Variants in ARL15 observed in about 807,000 individuals in gnomAD.
ARL15 encodes the protein ADP-ribosylation factor-like protein 15.
A neutral mutation model predicts 25.2 loss-of-function variants in ARL15; 19 were observed. The ratio of observed to expected loss-of-function variants is 0.75; its 90% CI spans 0.53 to 1.10. The LOEUF (loss-of-function observed/expected upper bound fraction) is 1.10, where lower values mean the gene tolerates loss of function less well. ARL15 is among the 50% of genes least tolerant of loss of function. The pLI, the probability that ARL15 is intolerant of heterozygous loss-of-function variation, is 0.00. For missense variants in ARL15, 220 were observed against 246.0 expected (o/e 0.89, Z 0.71); for synonymous variants, 94 against 86.8 (o/e 1.08, Z -0.46).
At chr5:53,943,457 T>C (rs1746613707) in intron 4 of ARL15, among the ~76,000 whole-genome samples, 1 of 152,086 alleles carries the variant, frequency 6.6e-6, no homozygotes, top group African/African-American at 2.4e-5. Context: ...CCAGCTAAGA[T>C]TACTAGAAAA....
At chr5:54,162,570 A>T (rs1477857985) in intron 2 of ARL15, among the ~76,000 whole-genome samples, 1 of 152,166 alleles carries the variant, frequency 6.6e-6, no homozygotes, top group Non-Finnish European at 1.5e-5. Flanking sequence ...GTTTACTTAT[A>T]TATGGACCTC....
At chr5:54,047,414 C>G (rs892160757) in intron 4 of ARL15, among the ~76,000 whole-genome samples, 4 of 152,150 alleles carry the variant, frequency 2.6e-5, no homozygotes, top group Non-Finnish European at 2.9e-5. Context: ...TCATGTCTCC[C>G]CGCAACATGG....
intron 2 of ARL15, among the ~76,000 whole-genome samples, chr5:54,170,330 C>T (rs1311195826): frequency 1.3e-5 from 2 of 152,192 alleles, no homozygotes; most frequent in African/African-American, 4.8e-5. Context: ...TCCAACTGCG[C>T]TACTCACAAT....
At chr5:54,230,346 GAA>G (rs137882615) in intron 1 of ARL15, among the ~76,000 whole-genome samples, 1,282 of 91,814 alleles carry the variant, frequency 0.014, 5 homozygotes, top group Middle Eastern at 0.028. Flanking sequence ...TTCCATCTCA[GAA>G]AAAAAAAAAA....
intron 2 of ARL15, among the ~76,000 whole-genome samples, chr5:54,166,485 G>A (rs1401879808): frequency 2.0e-5 from 3 of 152,120 alleles, no homozygotes; most frequent in South Asian, 2.1e-4. Flanking sequence ...ACAAGTGTGA[G>A]CCACTGTGCC....
chr5:54,067,185 G>A (rs1202993792), intron 4 of ARL15: 3 of 152,702 alleles, frequency 2.0e-5, no homozygotes, highest in South Asian at 2.1e-4. Context: ...TGCTTCACAC[G>A]GGTGTTATTA....
At chr5:54,209,418 G>A (rs192937027) in intron 1 of ARL15, among the ~76,000 whole-genome samples, 21 of 152,064 alleles carry the variant, frequency 1.4e-4, no homozygotes, top group African/African-American at 4.6e-4. Flanking sequence ...GGCATTTGAA[G>A]GGAGGGAAGG....
At chr5:54,226,249 G>A (rs891273399) in intron 1 of ARL15, among the ~76,000 whole-genome samples, 6 of 152,182 alleles carry the variant, frequency 3.9e-5, no homozygotes, top group Non-Finnish European at 7.3e-5. Context: ...CAAGAAAAGC[G>A]GCAGGTGGAA....
intron 4 of ARL15, among the ~76,000 whole-genome samples, chr5:53,989,934 GT>G (rs1748428511): frequency 6.6e-6 from 1 of 152,154 alleles, no homozygotes; most frequent in South Asian, 2.1e-4. Flanking sequence ...GCATGAAAAA[GT>G]TTTAAAGAAA....
intron 1 of ARL15, among the ~76,000 whole-genome samples, chr5:54,214,250 C>A (rs763288340): frequency 6.6e-6 from 1 of 152,194 alleles, no homozygotes; most frequent in African/African-American, 2.4e-5. Context: ...AACTTTGCTA[C>A]AGCCACTGGA....
At chr5:54,077,432 C>T (rs1751645756) in intron 4 of ARL15, among the ~76,000 whole-genome samples, 2 of 152,028 alleles carry the variant, frequency 1.3e-5, no homozygotes, top group Admixed American at 1.3e-4. Flanking sequence ...GGAAGCATTC[C>T]CCCAGAAAAA....
At position 54,133,335 on chromosome 5, in the gene ARL15, C is replaced by T. The variant is rs142526123; in HGVS notation, c.254-19925G>A. The stretch of plus-strand genomic sequence containing the variant: ...TAAAGAGTCGAAGTTCCACACAAGT[C>T]GGATTCAGTTAGGAATACTGACAGA... On this transcript the variant is annotated intron_variant, in intron 3 of 4. Coordinates refer to ENST00000504924, the MANE Select transcript of ARL15 (RefSeq NM_019087.3). Among the ~76,000 whole-genome samples the T allele has an allele frequency of 3.6e-3, 546 of 152,116 alleles. 1 individual carries two copies. The highest frequency in any genetic ancestry group is 0.013 in the African/African-American group (524 of 41,478).
intron 4 of ARL15, among the ~76,000 whole-genome samples, chr5:53,919,100 C>T (rs752476735): frequency 1.2e-4 from 18 of 152,122 alleles, no homozygotes; most frequent in Non-Finnish European, 2.4e-4. Flanking sequence ...ATAACACCTC[C>T]CTATCAAGGC....
chr5:54,150,975 T>C (rs1388550279), intron 3 of ARL15, among the ~76,000 whole-genome samples: 1 of 151,880 alleles, frequency 6.6e-6, no homozygotes, highest in South Asian at 2.1e-4. Context: ...TAAAGTGCTG[T>C]AGGTGTAGAG....
Position 53,998,342 on chromosome 5 carries a change from C to CA in ARL15, c.463-111630dup, listed in dbSNP as rs537075338. Among the ~76,000 whole-genome samples, 70 of 149,000 alleles carry CA rather than the reference C, an allele frequency of 4.7e-4. 1 individual carries two copies. The East Asian group carries it at 0.012, about 26-fold the overall frequency. On this transcript the variant is annotated intron_variant, in intron 4 of 4. Transcript: ENST00000504924. ...AACACCAGGACTAATGGAATGTTTA[C>CA]AGACAGACTGGCTGGCCTCAGCCCT...
chr5:54,106,137 C>T (rs1752583857), intron 4 of ARL15, among the ~76,000 whole-genome samples: 1 of 152,020 alleles, frequency 6.6e-6, no homozygotes, highest in Non-Finnish European at 1.5e-5. Flanking sequence ...AATGTAGAAA[C>T]ATAAAATCAA....
chr5:54,158,607 G>A (rs1754309418), intron 2 of ARL15, among the ~76,000 whole-genome samples: 1 of 152,210 alleles, frequency 6.6e-6, no homozygotes, highest in Non-Finnish European at 1.5e-5. Flanking sequence ...AGGCACGGTG[G>A]CTCACGCCTG....
chr5:53,903,648 G>T (rs1247940993), intron 4 of ARL15, among the ~76,000 whole-genome samples: 2 of 152,184 alleles, frequency 1.3e-5, no homozygotes, highest in African/African-American at 4.8e-5. Context: ...CTCACTCCCT[G>T]GAACCAGGAG....
At chr5:54,259,996 G>A (rs112554336) in intron 1 of ARL15, among the ~76,000 whole-genome samples, 276 of 152,238 alleles carry the variant, frequency 1.8e-3, no homozygotes, top group Middle Eastern at 3.4e-3. Context: ...GAATTCATTC[G>A]TCAACCTGAA....
Sources: allele counts gnomAD v4.1 joint callset (sites outside exome capture counted in the v4.1 genomes callset), GRCh38; gene constraint gnomAD v4.1.1; transcripts MANE v1.5; gene names NCBI Gene and HGNC (gene_info 2026-07-23, HGNC 2026-07-21).